EYS: variants seen among roughly 807,000 people sequenced by gnomAD.
The protein encoded by EYS is protein eyes shut homolog.
A neutral mutation model predicts 282.1 loss-of-function variants in EYS; 250 were observed. That is an observed-to-expected ratio of 0.89 (90% CI 0.80 to 0.98). The LOEUF is 0.98. EYS is among the 50% of genes least tolerant of loss of function. The pLI, the probability that EYS is intolerant of heterozygous loss-of-function variation, is 0.00. For missense variants in EYS, 4,016 were observed against 3,709.0 expected (o/e 1.08, Z -2.15); for synonymous variants, 1,355 against 1,282.9 (o/e 1.06, Z -1.20).
intron 12 of EYS, among the ~76,000 whole-genome samples, chr6:65,128,670 C>T (rs944135520): frequency 1.2e-4 from 18 of 151,804 alleles, no homozygotes; most frequent in African/African-American, 4.3e-4. Context: ...AGAGATTACA[C>T]AAATAAATGG....
chr6:65,579,696 C>A (rs550076035), intron 2 of EYS, among the ~76,000 whole-genome samples: 3 of 152,024 alleles, frequency 2.0e-5, no homozygotes, highest in African/African-American at 7.2e-5. Flanking sequence ...CCCATTCTAT[C>A]GAGTTAGAAA....
At chr6:64,844,297 C>A (rs556071476) in intron 19 of EYS, among the ~76,000 whole-genome samples, 132 of 150,652 alleles carry the variant, frequency 8.8e-4, no homozygotes, top group Non-Finnish European at 1.7e-3. Flanking sequence ...CCTTTCTCAC[C>A]CAGCACTATG....
chr6:64,672,031 G>A (rs1225910699), intron 22 of EYS, among the ~76,000 whole-genome samples: 1 of 151,960 alleles, frequency 6.6e-6, no homozygotes, highest in Non-Finnish European at 1.5e-5. Flanking sequence ...AAATGAATAT[G>A]GCATTTTATT....
At chr6:64,722,262 G>A (rs1771609700) in intron 22 of EYS, among the ~76,000 whole-genome samples, 2 of 152,060 alleles carry the variant, frequency 1.3e-5, no homozygotes, top group African/African-American at 4.8e-5. Context: ...AAGATATTTT[G>A]ACAAGAAAGA....
intron 26 of EYS, among the ~76,000 whole-genome samples, chr6:64,547,277 C>T (rs556095471): frequency 6.6e-6 from 1 of 152,176 alleles, no homozygotes; most frequent in African/African-American, 2.4e-5. Context: ...ATTCTCTTAT[C>T]TGGCCCCACC....
intron 19 of EYS, 60 bp downstream of exon 19, chr6:64,886,637 G>A: frequency 7.3e-7 from 1 of 1,363,362 alleles, no homozygotes; most frequent in Admixed American, 2.8e-5. Context: ...ATAAATATGA[G>A]GTTTCTATTT....
intron 13 of EYS, among the ~76,000 whole-genome samples, chr6:65,015,229 A>G (rs550712164): frequency 6.6e-6 from 1 of 152,362 alleles, no homozygotes; most frequent in African/African-American, 2.4e-5. Context: ...AAAAACTGCC[A>G]GTTAAATTCT....
chr6:63,755,629 C>T (rs1314882576), intron 41 of EYS, among the ~76,000 whole-genome samples: 1 of 151,868 alleles, frequency 6.6e-6, no homozygotes, highest in African/African-American at 2.4e-5. Flanking sequence ...TTTTGGTTCC[C>T]TATGATATTT....
chr6:65,680,841 C>T (rs1208742406), intron 1 of EYS, among the ~76,000 whole-genome samples: 1 of 151,978 alleles, frequency 6.6e-6, no homozygotes, highest in Non-Finnish European at 1.5e-5. Context: ...TCAATTCTCA[C>T]ACTCTACCTC....
At chr6:65,229,970 T>C (rs1221838732) in intron 12 of EYS, among the ~76,000 whole-genome samples, 1 of 151,916 alleles carries the variant, frequency 6.6e-6, no homozygotes, top group African/African-American at 2.4e-5. Context: ...CTTAGGGGAA[T>C]GTTTCTAAAA....
At position 63,946,726 on chromosome 6, in the gene EYS, ATTTTTTT is replaced by A. The variant is rs10580253; in HGVS notation, c.7055+37650_7055+37656del. Among the ~76,000 whole-genome samples, 404 of 135,660 alleles carry A rather than the reference ATTTTTTT, an allele frequency of 3.0e-3. 2 individuals carry two copies. Among genetic ancestry groups the A allele is most frequent in the African/African-American group, 0.01 (386 of 37,156 alleles). 89.0% of individuals were successfully genotyped at this position (135,660 alleles called of 152,430 possible). A position where few individuals can be genotyped will look rare whatever the true frequency, so the allele number is the denominator to read the frequency against. On this transcript the variant is annotated intron_variant, in intron 35 of 42. Transcript: ENST00000503581. ...TGAATATAGTCTGGTTTTATGAACT[ATTTTTTT>A]TTTTTTTTTTTGGCTACATGAAAGA...
chr6:65,631,475 G>GAAAAAAA (rs5876981), intron 2 of EYS, among the ~76,000 whole-genome samples: 1 of 143,284 alleles, frequency 7.0e-6, no homozygotes. Flanking sequence ...AACATGAATG[G>GAAAAAAA]AAAAAAAAAA....
chr6:63,773,248 A>G (rs1769981046), intron 40 of EYS, among the ~76,000 whole-genome samples: 1 of 152,216 alleles, frequency 6.6e-6, no homozygotes, highest in Non-Finnish European at 1.5e-5. Context: ...CTCATAGGTG[A>G]GAAAAATTAT....
At chr6:65,617,504 T>A (rs1766246523) in intron 2 of EYS, among the ~76,000 whole-genome samples, 1 of 152,036 alleles carries the variant, frequency 6.6e-6, no homozygotes. Context: ...TAAAATTATA[T>A]AAAATTAGCA....
At chr6:65,245,364 C>T (rs1767153680) in intron 12 of EYS, among the ~76,000 whole-genome samples, 1 of 152,074 alleles carries the variant, frequency 6.6e-6, no homozygotes, top group Non-Finnish European at 1.5e-5. Context: ...TTTTATTTAT[C>T]TATGCTTCAA....
chr6:65,230,733 C>CAA (rs1322729078), intron 12 of EYS, among the ~76,000 whole-genome samples: 2 of 151,426 alleles, frequency 1.3e-5, no homozygotes, highest in Non-Finnish European at 3.0e-5. Context: ...TATCTTTTTT[C>CAA]AGAGAGTAAG....
intron 13 of EYS, among the ~76,000 whole-genome samples, chr6:65,029,851 T>C (rs1772541395): frequency 6.6e-6 from 1 of 152,140 alleles, no homozygotes. Context: ...ATCTGGAATC[T>C]CTTCATTGGC....
chr6:63,852,525 G>T (rs1420950044), intron 36 of EYS, among the ~76,000 whole-genome samples: 1 of 152,122 alleles, frequency 6.6e-6, no homozygotes, highest in Non-Finnish European at 1.5e-5. Flanking sequence ...AGGACCAGAT[G>T]AATTCACAGC....
At chr6:64,993,588 A>T (rs1189106299) in intron 14 of EYS, among the ~76,000 whole-genome samples, 1 of 59,238 alleles carries the variant, frequency 1.7e-5, no homozygotes, top group Non-Finnish European at 3.0e-5. Flanking sequence ...GGGTGGGGGG[A>T]GGGGGGAGGG....
Sources: gnomAD v4.1 joint callset for allele counts (sites outside exome capture counted in the v4.1 genomes callset) on GRCh38, gnomAD v4.1.1 for gene constraint, MANE v1.5 for transcripts, NCBI Gene and HGNC (gene_info 2026-07-23, HGNC 2026-07-21) for gene names.